Variants in CDH4 observed in about 807,000 individuals in gnomAD.
The protein encoded by CDH4 is cadherin-4.
CDH4 carries 33 observed loss-of-function variants against 86.0 expected under a neutral mutation model. The observed-to-expected ratio is 0.38, with a 90% CI of 0.29 to 0.51. CDH4 has a LOEUF of 0.51. Among genes scored for constraint, CDH4 ranks in the 20% least tolerant of loss-of-function variants. CDH4 has a pLI of 0.86. For missense variants in CDH4, 1,114 were observed against 1,307.4 expected, an observed-to-expected ratio of 0.85 and a Z score of 2.28; for synonymous variants, 555 against 549.4, an observed-to-expected ratio of 1.01 and a Z score of -0.14.
intron 2 of CDH4, among the ~76,000 whole-genome samples, chr20:61,486,548 A>G (rs1033929342): frequency 6.6e-6 from 1 of 152,226 alleles, no homozygotes; most frequent in African/African-American, 2.4e-5. Flanking sequence ...CATCGTTGGA[A>G]ATAAAACACT....
At chr20:61,903,175 A>G (rs1348902814) in intron 8 of CDH4, among the ~76,000 whole-genome samples, 2 of 152,230 alleles carry the variant, frequency 1.3e-5, no homozygotes, top group Non-Finnish European at 2.9e-5. Flanking sequence ...GGCACTCCCT[A>G]TGCCAGGGTA....
At chr20:61,447,895 C>T (rs1406941690) in intron 2 of CDH4, among the ~76,000 whole-genome samples, 1 of 152,144 alleles carries the variant, frequency 6.6e-6, no homozygotes, top group Non-Finnish European at 1.5e-5. Context: ...TTTTCCAACA[C>T]TTTCCCCAGA....
intron 8 of CDH4, among the ~76,000 whole-genome samples, chr20:61,899,717 G>A (rs111641798): frequency 0.068 from 10,406 of 152,186 alleles, 1,102 homozygotes; most frequent in African/African-American, 0.23. Context: ...GTGAGCCACC[G>A]CACCCAGCCC....
At chr20:61,790,515 C>T (rs1600991020) in intron 4 of CDH4, among the ~76,000 whole-genome samples, 1 of 151,032 alleles carries the variant, frequency 6.6e-6, no homozygotes, top group African/African-American at 2.4e-5. Context: ...ATTCATCTTT[C>T]TACCTATCCA....
chr20:61,744,440 GGA>G lies in CDH4; in HGVS notation c.396+652_396+653del, dbSNP rs1444723845. 5.6e-4 allele frequency among the ~76,000 whole-genome samples: 40 copies of G among 71,348 alleles called. 1 individual carries two copies. The South Asian group carries it at 8.4e-3, about 15-fold the overall frequency. 46.8% of individuals were successfully genotyped at this position (71,348 alleles called of 152,430 possible). A position where few individuals can be genotyped will look rare whatever the true frequency, so the allele number is the denominator to read the frequency against. On this transcript the variant is annotated intron_variant, in intron 3 of 15. Coordinates refer to ENST00000614565, the MANE Select transcript of CDH4 (RefSeq NM_001794.5). ...AGAGAGAGAAGGAAAGGGAGGGAGA[GGA>G]AGAGAGGGAGAGAGAGAAGGAGGGA...
Position 61,922,859 on chromosome 20 carries a change from G to A in CDH4, c.1375-592G>A, listed in dbSNP as rs371061967. On this transcript the variant is annotated intron_variant, in intron 9 of 15. Coordinates refer to ENST00000614565, the MANE Select transcript of CDH4 (RefSeq NM_001794.5). ...CAGCCTCAAACTCCTGGGCTCAAGC[G>A]ATCCTCCCACCTTAGCGTCCTGAAG... Among the ~76,000 whole-genome samples, 7 of 152,346 alleles carry A rather than the reference G, an allele frequency of 4.6e-5. No homozygotes were observed. In the East Asian group the frequency reaches 7.7e-4, roughly 17 times the overall value.
At chr20:61,587,816 A>G (rs2086489698) in intron 2 of CDH4, among the ~76,000 whole-genome samples, 1 of 152,142 alleles carries the variant, frequency 6.6e-6, no homozygotes, top group Non-Finnish European at 1.5e-5. Context: ...TAATTGCACA[A>G]GCAACACATG....
chr20:61,453,470 A>G (rs889047855), intron 2 of CDH4, among the ~76,000 whole-genome samples: 1 of 152,058 alleles, frequency 6.6e-6, no homozygotes, highest in African/African-American at 2.4e-5. Context: ...CCTGTCTCTC[A>G]TGGGAGGAGG....
Position 61,417,341 on chromosome 20 carries a change from C to T in CDH4, c.169+162404C>T, listed in dbSNP as rs542500400. Among the ~76,000 whole-genome samples, 5 of 152,108 alleles carry T rather than the reference C, an allele frequency of 3.3e-5. No individual in the cohort carries two copies. The East Asian group carries it at 9.7e-4, about 30-fold the overall frequency. On this transcript the variant is annotated intron_variant, in intron 2 of 15. Transcript: ENST00000614565. This position sits in a 1 kb window ranked among gnomAD's most constrained non-coding sequence, Gnocchi z 4.0. The stretch of plus-strand genomic sequence containing the variant: ...TCTACCTCTCTTCTCTCTCCCCTCA[C>T]CCCTAGCCCCTCTCTCTCCTCCCTC...
chr20:61,572,864 G>C (rs1241166696), intron 2 of CDH4, among the ~76,000 whole-genome samples: 5 of 152,006 alleles, frequency 3.3e-5, no homozygotes, highest in Non-Finnish European at 7.4e-5. Context: ...TGGATGGATG[G>C]ATGGACAGAC....
At chr20:61,605,508 CCTTT>C (rs1289736158) in intron 2 of CDH4, among the ~76,000 whole-genome samples, 1 of 143,090 alleles carries the variant, frequency 7.0e-6, no homozygotes, top group African/African-American at 2.5e-5. Context: ...CATGTCTCTC[CCTTT>C]CTGTCTCTCC....
chr20:61,883,974 G>A (rs745817711), intron 7 of CDH4, among the ~76,000 whole-genome samples: 1 of 152,194 alleles, frequency 6.6e-6, no homozygotes, highest in Non-Finnish European at 1.5e-5. Flanking sequence ...GTGGATTTAG[G>A]AAGCAGAGAC....
At chr20:61,646,987 G>A (rs2087067846) in intron 2 of CDH4, among the ~76,000 whole-genome samples, 2 of 152,230 alleles carry the variant, frequency 1.3e-5, no homozygotes, top group Non-Finnish European at 2.9e-5. Context: ...CAGGGAGTGG[G>A]CTCTCGAGCG....
At chr20:61,462,012 G>A (rs1302440334) in intron 2 of CDH4, among the ~76,000 whole-genome samples, 4 of 152,154 alleles carry the variant, frequency 2.6e-5, no homozygotes, top group Non-Finnish European at 1.5e-5. Context: ...CAGCACTCGC[G>A]TGCACTTAAA....
At chr20:61,750,682 A>G (rs1350234196) in intron 3 of CDH4, among the ~76,000 whole-genome samples, 1 of 152,232 alleles carries the variant, frequency 6.6e-6, no homozygotes, top group Non-Finnish European at 1.5e-5. Context: ...AAGAAATTAG[A>G]ATAAATGAAA....
intron 1 of CDH4, among the ~76,000 whole-genome samples, chr20:61,253,612 T>C (rs1010914991): frequency 1.7e-4 from 26 of 151,904 alleles, no homozygotes; most frequent in African/African-American, 6.1e-4. Flanking sequence ...CCTGGGCGAG[T>C]TGAGCCTCCC....
intron 10 of CDH4, among the ~76,000 whole-genome samples, chr20:61,924,051 G>A (rs1057024805): frequency 6.6e-6 from 1 of 152,240 alleles, no homozygotes; most frequent in Non-Finnish European, 1.5e-5. Context: ...GGGACAATGA[G>A]GGCGTCTGCC....
intron 8 of CDH4, among the ~76,000 whole-genome samples, chr20:61,907,019 T>C (rs1489161907): frequency 1.3e-5 from 2 of 152,060 alleles, no homozygotes; most frequent in East Asian, 3.9e-4. Flanking sequence ...CAGGCCACCC[T>C]CCTCCCTGCT....
At chr20:61,383,026 G>A (rs1021941525) in intron 2 of CDH4, among the ~76,000 whole-genome samples, 4 of 146,340 alleles carry the variant, frequency 2.7e-5, no homozygotes, top group African/African-American at 1.0e-4. Flanking sequence ...ATTAGTCACA[G>A]TTCTCTAGAG....
Sources: allele counts gnomAD v4.1 joint callset (sites outside exome capture counted in the v4.1 genomes callset), GRCh38; gene constraint gnomAD v4.1.1; non-coding constraint Gnocchi (gnomAD v3.1); transcripts MANE v1.5; gene names NCBI Gene and HGNC (gene_info 2026-07-23, HGNC 2026-07-21).